The following TENM2 variants were observed in gnomAD, a reference collection of about 807,000 sequenced individuals.
TENM2 encodes teneurin-2.
TENM2 carries 52 observed loss-of-function variants against 245.2 expected under a neutral mutation model. That is an observed-to-expected ratio of 0.21 (90% confidence interval 0.17 to 0.27). The LOEUF is 0.27. Among genes scored for constraint, TENM2 ranks in the 10% least tolerant of loss-of-function variants. TENM2 has a pLI of 1.00. For synonymous variants in TENM2, 1,363 were observed against 1,438.9 expected, an observed-to-expected ratio of 0.95 and a Z score of 1.19; for missense variants, 3,046 against 3,666.8, an observed-to-expected ratio of 0.83 and a Z score of 4.37.
At chr5:167,983,311 G>GA (rs201221259) in intron 4 of TENM2, among the ~76,000 whole-genome samples, 8 of 151,086 alleles carry the variant, frequency 5.3e-5, no homozygotes, top group Non-Finnish European at 7.4e-5. Context: ...TTTCATGGAG[G>GA]AAAAAAAAAG....
chr5:167,232,272 A>T, the TENM2 span, among the ~76,000 whole-genome samples: 4 of 152,118 alleles, frequency 2.6e-5, no homozygotes, highest in African/African-American at 4.8e-5. Flanking sequence ...AGAATGATCG[A>T]TTCACCAACA....
chr5:167,640,860 C>CATATATATATATATATATATATATAT (rs58985992), intron 2 of TENM2, among the ~76,000 whole-genome samples: 17 of 47,408 alleles, frequency 3.6e-4, no homozygotes, highest in Non-Finnish European at 6.4e-4. Flanking sequence ...TATATATATC[C>CATATATATATATATATATATATATAT]ATATATATAT....
chr5:167,480,096 G>A (rs1296487623), intron 2 of TENM2, among the ~76,000 whole-genome samples: 1 of 152,176 alleles, frequency 6.6e-6, no homozygotes, highest in Admixed American at 6.5e-5. Flanking sequence ...TCTGACTTGT[G>A]CCCTGCTTTG....
chr5:167,736,294 C>T (rs1760791459), intron 2 of TENM2, among the ~76,000 whole-genome samples: 6 of 152,150 alleles, frequency 3.9e-5, no homozygotes, highest in Admixed American at 3.9e-4. Context: ...CACCTGGTCC[C>T]TCCCATGACA....
chr5:167,265,659 C>T, the TENM2 span, among the ~76,000 whole-genome samples: 2 of 152,130 alleles, frequency 1.3e-5, no homozygotes, highest in Non-Finnish European at 2.9e-5. Context: ...TGTACAGACT[C>T]TCCACCCTTC....
At chr5:167,346,716 G>C (rs766560099) in intron 1 of TENM2, among the ~76,000 whole-genome samples, 1 of 152,068 alleles carries the variant, frequency 6.6e-6, no homozygotes, top group East Asian at 1.9e-4. Flanking sequence ...AGTTTTGTAC[G>C]CACAGCAAGG....
At chr5:168,021,002 C>G (rs1231746560) in intron 5 of TENM2, among the ~76,000 whole-genome samples, 2 of 152,208 alleles carry the variant, frequency 1.3e-5, no homozygotes, top group Non-Finnish European at 2.9e-5. Context: ...AGAATTGTCT[C>G]ACAAGCATAT....
chr5:167,434,727 A>ATT (rs1469352849), intron 2 of TENM2, among the ~76,000 whole-genome samples: 5 of 152,158 alleles, frequency 3.3e-5, no homozygotes, highest in African/African-American at 1.2e-4. Context: ...ACAGGACATT[A>ATT]AATTCATGAC....
chr5:167,452,948 T>TATATATATATATATATATTTTTTAA (rs10627779), intron 2 of TENM2, among the ~76,000 whole-genome samples: 1 of 47,510 alleles, frequency 2.1e-5, no homozygotes, highest in Non-Finnish European at 4.1e-5. Flanking sequence ...TATATATATA[T>TATATATATATATATATATTTTTTAA]ATATATATAT....
chr5:167,553,148 C>T (rs953200914), intron 2 of TENM2, among the ~76,000 whole-genome samples: 3 of 152,130 alleles, frequency 2.0e-5, no homozygotes, highest in African/African-American at 4.8e-5. Context: ...TCTAAGGAAA[C>T]GAGTCATGTG....
At chr5:167,082,357 T>C in the TENM2 span, among the ~76,000 whole-genome samples, 1 of 152,032 alleles carries the variant, frequency 6.6e-6, no homozygotes, top group Non-Finnish European at 1.5e-5. Context: ...TGATCCCGAT[T>C]ATTGCAACCT....
chr5:167,339,082 A>C (rs1262064797), intron 1 of TENM2, among the ~76,000 whole-genome samples: 1 of 152,198 alleles, frequency 6.6e-6, no homozygotes, highest in African/African-American at 2.4e-5. Flanking sequence ...TAAAAAATAC[A>C]TTCATTGTAT....
chr5:167,599,368 A>T (rs1406053531), intron 2 of TENM2, among the ~76,000 whole-genome samples: 1 of 152,144 alleles, frequency 6.6e-6, no homozygotes, highest in African/African-American at 2.4e-5. Flanking sequence ...TTTTTACAAA[A>T]CCACCTACAA....
chr5:167,967,655 C>A (rs1382979373), intron 4 of TENM2, among the ~76,000 whole-genome samples: 1 of 152,228 alleles, frequency 6.6e-6, no homozygotes, highest in East Asian at 1.9e-4. Context: ...CATCCCTCAG[C>A]AGCCTTTACC....
chr5:167,990,648 C>T (rs924396419), intron 4 of TENM2, among the ~76,000 whole-genome samples: 1 of 152,136 alleles, frequency 6.6e-6, no homozygotes, highest in Non-Finnish European at 1.5e-5. Flanking sequence ...TTCCAAAACA[C>T]CATTTTAAAA....
At chr5:167,267,308 G>A in the TENM2 span, among the ~76,000 whole-genome samples, 1 of 152,040 alleles carries the variant, frequency 6.6e-6, no homozygotes, top group Non-Finnish European at 1.5e-5. Context: ...CATTTCCAGG[G>A]TTTAAAGAGT....
intron 2 of TENM2, among the ~76,000 whole-genome samples, chr5:167,453,742 A>C (rs548370213): frequency 3.3e-4 from 51 of 152,290 alleles, no homozygotes; most frequent in African/African-American, 1.1e-3. Context: ...TGAACTGTAA[A>C]TTGAGCCAAT....
intron 13 of TENM2, among the ~76,000 whole-genome samples, chr5:168,167,324 G>A (rs1758392412): frequency 1.3e-5 from 2 of 152,008 alleles, no homozygotes; most frequent in Non-Finnish European, 2.9e-5. Context: ...AGGTGAGGAG[G>A]CGTTGTTAGA....
chr5:167,144,200 G>A, the TENM2 span, among the ~76,000 whole-genome samples: 3 of 152,142 alleles, frequency 2.0e-5, no homozygotes, highest in Non-Finnish European at 4.4e-5. Flanking sequence ...GCTGGTGGTG[G>A]GAGCGGTTCG....
Sources: gnomAD v4.1 joint callset for allele counts (sites outside exome capture counted in the v4.1 genomes callset) on GRCh38, gnomAD v4.1.1 for gene constraint, MANE v1.5 for transcripts, NCBI Gene and HGNC (gene_info 2026-07-23, HGNC 2026-07-21) for gene names.